MTUS2: variants seen among roughly 807,000 people sequenced by gnomAD.
MTUS2 encodes the protein microtubule-associated tumor suppressor candidate 2.
Under a neutral mutation model 114.1 loss-of-function variants are expected in MTUS2, and 40 were observed. The observed-to-expected ratio is 0.35, with a 90% CI of 0.27 to 0.46. The LOEUF (loss-of-function observed/expected upper bound fraction) is 0.46, where lower values mean the gene tolerates loss of function less well. Ranked by LOEUF, MTUS2 falls within the 20% of genes least tolerant of loss-of-function variation. The probability of loss-of-function intolerance (pLI) is 1.00; values close to 1 mark genes in which losing one functional copy is unlikely to be tolerated. For synonymous variants in MTUS2, 688 were observed against 672.0 expected (o/e 1.02, Z -0.37); for missense variants, 1,679 against 1,705.4 (o/e 0.98, Z 0.27).
At chr13:29,077,735 G>A (rs1012446886) in intron 4 of MTUS2, among the ~76,000 whole-genome samples, 4 of 152,164 alleles carry the variant, frequency 2.6e-5, no homozygotes, top group African/African-American at 7.2e-5. Flanking sequence ...CTGTGAATGC[G>A]TATTGAATTG....
At chr13:28,972,618 C>T (rs139963988) in intron 2 of MTUS2, among the ~76,000 whole-genome samples, 2 of 152,254 alleles carry the variant, frequency 1.3e-5, no homozygotes, top group East Asian at 1.9e-4. Context: ...ACAGTAAAAC[C>T]TAAATACTAA....
At chr13:28,895,090 AGCCTCATATAT>A (rs1441811933) in intron 2 of MTUS2, among the ~76,000 whole-genome samples, 10 of 152,242 alleles carry the variant, frequency 6.6e-5, no homozygotes, top group African/African-American at 2.4e-4. Context: ...GCTGAAGGCC[AGCCTCATATAT>A]GCCAGGTTAT....
At chr13:29,084,809 A>T (rs1298205556) in intron 4 of MTUS2, among the ~76,000 whole-genome samples, 1 of 115,130 alleles carries the variant, frequency 8.7e-6, no homozygotes, top group African/African-American at 3.0e-5. Context: ...TGGCCTTCCA[A>T]AGTGCTGGGA....
intron 5 of MTUS2, among the ~76,000 whole-genome samples, chr13:29,122,395 A>C (rs1460335868): frequency 1.4e-4 from 22 of 152,192 alleles, no homozygotes. Context: ...CGGAAGGGGA[A>C]GCAAGCACCG....
intron 5 of MTUS2, among the ~76,000 whole-genome samples, chr13:29,260,717 A>G (rs2139461804): frequency 6.6e-6 from 1 of 152,364 alleles, no homozygotes. Context: ...TGAGACAAGT[A>G]AGGACTGTAT....
chr13:29,394,499 T>G (rs1359040311), intron 8 of MTUS2, among the ~76,000 whole-genome samples: 1 of 152,216 alleles, frequency 6.6e-6, no homozygotes, highest in African/African-American at 2.4e-5. Context: ...GTCCTTATTA[T>G]GCAGGTGAAG....
Position 28,997,597 on chromosome 13 carries a change from A to G in MTUS2, c.-242-26860A>G, listed in dbSNP as rs1000783700. ...TCCTGTATTGGGTGCATATATATTT[A>G]GGATAGTTAGCTCTTCTTGTTGAAT... On this transcript the variant is annotated intron_variant, in intron 2 of 15. Coordinates refer to ENST00000612955, the MANE Select transcript of MTUS2 (RefSeq NM_001033602.4). Among the ~76,000 whole-genome samples the G allele has an allele frequency of 4.0e-4, 61 of 152,276 alleles. 1 individual carries two copies. Among genetic ancestry groups the G allele is most frequent in the Non-Finnish European group, 7.4e-5 (5 of 68,002 alleles).
chr13:29,245,303 T>C (rs999859176), intron 5 of MTUS2, among the ~76,000 whole-genome samples: 1 of 152,164 alleles, frequency 6.6e-6, no homozygotes, highest in Admixed American at 6.5e-5. Flanking sequence ...CTCAACTCCA[T>C]AGTATTTAGG....
intron 6 of MTUS2, among the ~76,000 whole-genome samples, chr13:29,290,420 C>T (rs1308292009): frequency 1.3e-5 from 2 of 152,182 alleles, no homozygotes; most frequent in African/African-American, 2.4e-5. Context: ...ACCTCCGCCT[C>T]CCGGGTTCAC....
At chr13:29,047,536 CAG>C (rs777395208) in intron 4 of MTUS2, among the ~76,000 whole-genome samples, 8 of 140,044 alleles carry the variant, frequency 5.7e-5, no homozygotes, top group Admixed American at 3.0e-4. Context: ...TTTTCTGAGA[CAG>C]AGTCTTGCTG....
chr13:29,394,624 G>C (rs1024497248), intron 8 of MTUS2, among the ~76,000 whole-genome samples: 1 of 152,192 alleles, frequency 6.6e-6, no homozygotes, highest in Non-Finnish European at 1.5e-5. Flanking sequence ...GGAAAGGGAA[G>C]GGGATTCTCC....
intron 5 of MTUS2, among the ~76,000 whole-genome samples, chr13:29,170,884 TAAA>T (rs1284190002): frequency 4.9e-5 from 7 of 142,982 alleles, no homozygotes; most frequent in African/African-American, 1.8e-4. Flanking sequence ...ACACCATTGA[TAAA>T]AACATCTTTA....
At chr13:28,958,264 G>C (rs142747959) in intron 2 of MTUS2, among the ~76,000 whole-genome samples, 2 of 152,212 alleles carry the variant, frequency 1.3e-5, no homozygotes, top group Non-Finnish European at 2.9e-5. Flanking sequence ...GGCGGAGGGC[G>C]TTTTCCCAGC....
intron 7 of MTUS2, among the ~76,000 whole-genome samples, chr13:29,325,260 A>G (rs1447019699): frequency 6.6e-6 from 1 of 152,158 alleles, no homozygotes; most frequent in African/African-American, 2.4e-5. Context: ...GTTCCAGACC[A>G]GCCTAGCCAA....
intron 5 of MTUS2, among the ~76,000 whole-genome samples, chr13:29,149,816 A>T (rs970749845): frequency 1.3e-5 from 2 of 152,094 alleles, no homozygotes; most frequent in African/African-American, 4.8e-5. Flanking sequence ...CAAAGATCAG[A>T]TGGTTGTAGG....
At chr13:29,207,588 A>C (rs560861644) in intron 5 of MTUS2, among the ~76,000 whole-genome samples, 1 of 152,008 alleles carries the variant, frequency 6.6e-6, no homozygotes, top group East Asian at 1.9e-4. Context: ...ATTAACTTAA[A>C]GTGTATCCTT....
chr13:29,224,251 G>A (rs1269353300), intron 5 of MTUS2, among the ~76,000 whole-genome samples: 4 of 152,188 alleles, frequency 2.6e-5, no homozygotes, highest in East Asian at 3.9e-4. Context: ...AAGTGCTCTC[G>A]TAGTACCTTG....
Position 29,144,458 on chromosome 13 carries a change from A to T in MTUS2, c.2644+43488A>T, listed in dbSNP as rs143614234. 3.9e-3 allele frequency among the ~76,000 whole-genome samples: 587 copies of T among 151,634 alleles called. 8 individuals carry two copies. In the East Asian group the frequency reaches 0.042, roughly 11 times the overall value. ...GGCTCACTGCATCCTTGAAGTCCTC[A>T]GCTCAAGTGATTCTCCCACCTCAGC... On this transcript the variant is annotated intron_variant, in intron 5 of 15. Coordinates refer to ENST00000612955, the MANE Select transcript of MTUS2 (RefSeq NM_001033602.4).
intron 4 of MTUS2, among the ~76,000 whole-genome samples, chr13:29,055,906 T>C (rs1382708474): frequency 6.6e-6 from 1 of 152,062 alleles, no homozygotes; most frequent in Non-Finnish European, 1.5e-5. Context: ...ATGGGATTGC[T>C]TGTTTTTTTT....
Sources: allele counts gnomAD v4.1 joint callset (sites outside exome capture counted in the v4.1 genomes callset), GRCh38; gene constraint gnomAD v4.1.1; transcripts MANE v1.5; gene names NCBI Gene and HGNC (gene_info 2026-07-23, HGNC 2026-07-21).